USP47: variants seen among roughly 807,000 people sequenced by gnomAD.
USP47 encodes ubiquitin specific peptidase 47, also known as ubiquitin carboxyl-terminal hydrolase 47.
Under a neutral mutation model 165.1 loss-of-function variants are expected in USP47, and 35 were observed. The ratio of observed to expected loss-of-function variants is 0.21; its 90% CI spans 0.16 to 0.28. The LOEUF (loss-of-function observed/expected upper bound fraction) is 0.28, where lower values mean the gene tolerates loss of function less well. Ranked by LOEUF, USP47 falls within the 10% of genes least tolerant of loss-of-function variation. The pLI is 1.00. For missense variants in USP47, 1,277 were observed against 1,607.4 expected (o/e 0.79, Z 3.52); for synonymous variants, 531 against 544.5 (o/e 0.98, Z 0.35).
intron 3 of USP47, among the ~76,000 whole-genome samples, chr11:11,891,561 G>T (rs1851514280): frequency 6.6e-6 from 1 of 152,164 alleles, no homozygotes; most frequent in Non-Finnish European, 1.5e-5. Flanking sequence ...CTTCAGTTCT[G>T]TTCTAATTGC....
chr11:11,903,183 G>C, intron 6 of USP47, 80 bp from the exon 7 acceptor site: 1 of 1,357,778 alleles, frequency 7.4e-7, no homozygotes. Flanking sequence ...CAATATTTCT[G>C]TCTATTTGCT....
At chr11:11,929,349 CTG>C in intron 11 of USP47, 83 bp from the exon 12 acceptor site, 1 of 1,521,542 alleles carries the variant, frequency 6.6e-7, no homozygotes, top group East Asian at 2.3e-5. Context: ...TGTTACTTCT[CTG>C]TGTGTTAACA....
chr11:11,922,637 A>G (rs1007097670), intron 10 of USP47, 87 bp from the exon 11 acceptor site: 1 of 987,444 alleles, frequency 1.0e-6, no homozygotes, highest in Non-Finnish European at 1.4e-6. Context: ...ATTGTGTGAA[A>G]ATATTAGCAG....
chr11:11,956,661 A>C lies in USP47; in HGVS notation c.*486A>C, dbSNP rs1026064516. The C allele has an allele frequency of 6.5e-6, 1 of 152,846 alleles. No homozygotes were observed. The highest frequency in any genetic ancestry group is 2.4e-5 in the African/African-American group (1 of 41,474). The allele number at this position is 152,846 out of a possible 1,614,324, so 9.5% of individuals were successfully genotyped here. ...AATCCAACGTGTGTTGACTCTTGGA[A>C]AGCAGCAAAAACAGGAGCTGAAGAA... On this transcript the variant is annotated 3_prime_UTR_variant, in exon 28 of 28. Transcript: ENST00000527733.
intron 12 of USP47, 21 bp downstream of exon 12, chr11:11,929,586 A>T: frequency 6.2e-7 from 1 of 1,607,236 alleles, no homozygotes. Flanking sequence ...GTCCTTTAAG[A>T]TTATTACTCT....
chr11:11,908,916 T>A (rs974147570), intron 8 of USP47, among the ~76,000 whole-genome samples: 1 of 152,132 alleles, frequency 6.6e-6, no homozygotes, highest in East Asian at 1.9e-4. Flanking sequence ...ATTAAATAGA[T>A]TTGGGAAACT....
rs140410178 is a variant in USP47 at position 11,880,574 on chromosome 11, G to A, written c.243+194G>A. Among the ~76,000 whole-genome samples the A allele has an allele frequency of 4.7e-4, 71 of 152,114 alleles. No individual in the cohort carries two copies. In the East Asian group the frequency reaches 0.01, roughly 22 times the overall value. On this transcript the variant is annotated intron_variant, in intron 2 of 27. Coordinates refer to ENST00000527733, the MANE Select transcript of USP47 (RefSeq NM_001282659.2). ...TCCATTCTGGATTTAACATTTGCTC[G>A]TCCTAAAGTTTACATAATGTCATTT... is the stretch of plus-strand genomic sequence containing the variant.
intron 1 of USP47, among the ~76,000 whole-genome samples, chr11:11,878,279 C>T (rs989938181): frequency 1.3e-5 from 2 of 152,086 alleles, no homozygotes; most frequent in African/African-American, 4.8e-5. Flanking sequence ...GCGTTGTCTT[C>T]CTTTGACCAT....
chr11:11,942,291 G>C, intron 19 of USP47, 44 bp from the exon 20 acceptor site: 1 of 1,514,846 alleles, frequency 6.6e-7, no homozygotes, highest in Non-Finnish European at 8.8e-7. Flanking sequence ...GAATGAGCAT[G>C]TCACTAAAAT....
rs778077764 is a variant in USP47, at chr11:11,903,336, A to C, written c.813A>C (p.Thr271=). The change falls in exon 7 of 28, where the codon ACA becomes ACC. Residue 271 remains threonine, a synonymous_variant. Transcript: ENST00000527733. ...FDALEQKWKQ[T]EQADLINELY... ...CTTTGGAACAGAAATGGAAGCAAAC[A>C]GAACAGGTAATTTATATCTCTCAAA... The C allele has an allele frequency of 6.2e-7, 1 of 1,611,798 alleles. No individual in the cohort carries two copies. Among genetic ancestry groups the C allele is most frequent in the Non-Finnish European group, 8.5e-7 (1 of 1,178,606 alleles).
rs373121444 is a variant in USP47, at chr11:11,909,710, G to T, written c.969+4162G>T. On this transcript the variant is annotated intron_variant, in intron 8 of 27. Coordinates refer to ENST00000527733, the MANE Select transcript of USP47 (RefSeq NM_001282659.2). ...AATACCTGTTTATTATGACAAAAAC[G>T]TGTTCAAAGTTTGATCAGGGTTTAG... Among the ~76,000 whole-genome samples, 3 of 152,238 alleles carry T rather than the reference G, an allele frequency of 2.0e-5. No individual in the cohort carries two copies. The South Asian group carries it at 6.2e-4, about 32-fold the overall frequency.
intron 20 of USP47, among the ~76,000 whole-genome samples, chr11:11,946,506 T>TA (rs1368132855): frequency 1.3e-5 from 2 of 152,230 alleles, no homozygotes; most frequent in African/African-American, 4.8e-5. Context: ...TGTTATATGT[T>TA]ATGATCACGT....
chr11:11,944,299 T>G (rs148501022), intron 20 of USP47, among the ~76,000 whole-genome samples: 1 of 151,862 alleles, frequency 6.6e-6, no homozygotes, highest in East Asian at 1.9e-4. Flanking sequence ...ATGCTTGTAG[T>G]CTCAAAATTC....
chr11:11,941,342 CTT>C (rs1855457327), intron 19 of USP47, among the ~76,000 whole-genome samples: 2 of 133,450 alleles, frequency 1.5e-5, no homozygotes, highest in African/African-American at 2.9e-5. Flanking sequence ...AGTAGGGAAA[CTT>C]TTCTTTTTCC....
chr11:11,864,291 A>G (rs1254305647), intron 1 of USP47, among the ~76,000 whole-genome samples: 1 of 152,108 alleles, frequency 6.6e-6, no homozygotes, highest in Non-Finnish European at 1.5e-5. Flanking sequence ...TTGGAAACCT[A>G]GTGTGTTGGC....
intron 1 of USP47, among the ~76,000 whole-genome samples, chr11:11,845,986 G>C (rs1351607947): frequency 6.6e-6 from 1 of 152,146 alleles, no homozygotes; most frequent in Non-Finnish European, 1.5e-5. Flanking sequence ...TTTCTGTTCT[G>C]AGTCTGAGCT....
chr11:11,862,670 A>G (rs971327813), intron 1 of USP47, among the ~76,000 whole-genome samples: 13 of 152,176 alleles, frequency 8.5e-5, no homozygotes, highest in Non-Finnish European at 4.4e-5. Flanking sequence ...GCTAAGGCTA[A>G]GAAGACTTTT....
At chr11:11,893,190 T>C (rs1234919529) in intron 4 of USP47, among the ~76,000 whole-genome samples, 2 of 152,238 alleles carry the variant, frequency 1.3e-5, no homozygotes, top group African/African-American at 4.8e-5. Flanking sequence ...TAAATCTTGA[T>C]AAATTTACAT....
At chr11:11,859,804 T>C (rs1849269328) in intron 1 of USP47, among the ~76,000 whole-genome samples, 1 of 152,102 alleles carries the variant, frequency 6.6e-6, no homozygotes, top group African/African-American at 2.4e-5. Flanking sequence ...TCCCCTTCGA[T>C]AGAAAAACTA....
Sources: allele counts gnomAD v4.1 joint callset (sites outside exome capture counted in the v4.1 genomes callset), GRCh38; gene constraint gnomAD v4.1.1; transcripts MANE v1.5; gene names NCBI Gene and HGNC (gene_info 2026-07-23, HGNC 2026-07-21).